The following CFAP251 variants were observed in gnomAD, a reference collection of about 807,000 sequenced individuals.
CFAP251 encodes the protein cilia- and flagella-associated protein 251.
A neutral mutation model predicts 126.7 loss-of-function variants in CFAP251; 93 were observed. That is an observed-to-expected ratio of 0.73 (90% CI 0.62 to 0.87). The LOEUF is 0.87. Ranked by LOEUF, CFAP251 falls within the 40% of genes least tolerant of loss-of-function variation. CFAP251 has a pLI of 0.00. For synonymous variants in CFAP251, 503 were observed against 506.9 expected (o/e 0.99, Z 0.10); for missense variants, 1,287 against 1,389.2 (o/e 0.93, Z 1.17).
intron 17 of CFAP251, among the ~76,000 whole-genome samples, chr12:121,973,361 G>A (rs983507968): frequency 1.3e-5 from 2 of 152,224 alleles, no homozygotes; most frequent in South Asian, 2.1e-4. Context: ...TTGCAGGGGC[G>A]GGGCCCTCAT....
chr12:121,992,200 G>A (rs1882891972), intron 19 of CFAP251: 1 of 985,488 alleles, frequency 1.0e-6, no homozygotes, highest in Non-Finnish European at 1.2e-6. Context: ...TTCAGAACAA[G>A]CTCTGCGTTC....
intron 17 of CFAP251, 74 bp downstream of exon 17, chr12:121,968,243 C>A (rs952967882): frequency 1.4e-6 from 2 of 1,444,310 alleles, no homozygotes; most frequent in South Asian, 1.3e-5. Flanking sequence ...AGACACTGAA[C>A]CCTACTGCGT....
chr12:121,934,023 A>T (rs1032602809), intron 4 of CFAP251, among the ~76,000 whole-genome samples: 1 of 152,156 alleles, frequency 6.6e-6, no homozygotes, highest in African/African-American at 2.4e-5. Context: ...GCCACTGTTC[A>T]TGTAGGGAAC....
At position 121,960,663 on chromosome 12, in the gene CFAP251, C is replaced by T. The variant is rs368307601; in HGVS notation, c.2212C>T (p.Arg738Cys). 7.4e-5 allele frequency: 120 copies of T among 1,614,010 alleles called. No individual in the cohort carries two copies. In the South Asian group the frequency reaches 1.0e-3, roughly 14 times the overall value. The stretch of plus-strand genomic sequence containing the variant: ...GGTCTGGGAGTACTTAGCAAGACTT[C>T]GCTCTCATCGCAAAAGCATTCGAAG... ...QRVWEYLARL[R>C]SHRKSIRSLL... The change falls in exon 14 of 22, where the codon CGC becomes TGC. Residue 738 changes from arginine to cysteine, a missense_variant. Coordinates refer to ENST00000288912, the MANE Select transcript of CFAP251 (RefSeq NM_144668.6).
intron 17 of CFAP251, chr12:121,969,004 C>T (rs1328262017): frequency 4.1e-6 from 4 of 985,172 alleles, no homozygotes; most frequent in African/African-American, 1.7e-5. Flanking sequence ...ATGTGGCAGC[C>T]GGTTCCTGTT....
Position 121,962,853 on chromosome 12 carries a change from G to T in CFAP251, c.2492+691G>T, listed in dbSNP as rs149597796. ...CTGTGCGGTTGGAGGAAAGACAGTG[G>T]ATCAGCAAGGGCCAATGAGTGAAGG... On this transcript the variant is annotated intron_variant, in intron 15 of 21. Coordinates refer to ENST00000288912, the MANE Select transcript of CFAP251 (RefSeq NM_144668.6). Among the ~76,000 whole-genome samples, 423 of 152,270 alleles carry T rather than the reference G, an allele frequency of 2.8e-3. 3 individuals carry two copies. Among genetic ancestry groups the T allele is most frequent in the African/African-American group, 8.8e-3 (365 of 41,566 alleles).
intron 10 of CFAP251, among the ~76,000 whole-genome samples, chr12:121,954,657 A>AAAAAC (rs1555218016): frequency 4.8e-5 from 7 of 144,894 alleles, no homozygotes; most frequent in Non-Finnish European, 7.6e-5. Context: ...AAAAAAAAAA[A>AAAAAC]AAAAAAAAAA....
chr12:121,993,091 C>T (rs1179277667), intron 19 of CFAP251, among the ~76,000 whole-genome samples: 1 of 147,042 alleles, frequency 6.8e-6, no homozygotes, highest in Non-Finnish European at 1.5e-5. Context: ...GATTCTCCTG[C>T]CTCAGCCTGC....
chr12:121,942,654 C>T lies in CFAP251; in HGVS notation c.1110+9C>T, dbSNP rs1418847971. On this transcript the variant is annotated intron_variant, in intron 6 of 21. Coordinates refer to ENST00000288912, the MANE Select transcript of CFAP251 (RefSeq NM_144668.6). The stretch of plus-strand genomic sequence containing the variant: ...CAGATGCTGAAGTCCAGGTAAAGGC[C>T]CTGGCCCTTTGGGTCAGCATCAGCG... 4 of 1,608,160 alleles carry T rather than the reference C, an allele frequency of 2.5e-6. No individual in the cohort carries two copies. In the African/African-American group the frequency reaches 4.0e-5, roughly 16 times the overall value.
intron 10 of CFAP251, among the ~76,000 whole-genome samples, chr12:121,956,866 A>G (rs926910119): frequency 6.6e-6 from 1 of 152,174 alleles, no homozygotes; most frequent in Admixed American, 6.5e-5. Flanking sequence ...AAATCTGGCA[A>G]CACAATGCCC....
intron 3 of CFAP251, among the ~76,000 whole-genome samples, chr12:121,924,380 G>C (rs1880319037): frequency 6.6e-6 from 1 of 150,414 alleles, no homozygotes; most frequent in African/African-American, 2.5e-5. Context: ...CTCCCAAAGT[G>C]CTGGGATTAC....
At chr12:121,967,592 C>T (rs1882190578) in intron 16 of CFAP251, among the ~76,000 whole-genome samples, 1 of 152,188 alleles carries the variant, frequency 6.6e-6, no homozygotes, top group Admixed American at 6.5e-5. Context: ...GTCCCAGCTA[C>T]TCAGGAGGCT....
chr12:121,981,240 G>A (rs2135804285), intron 19 of CFAP251, among the ~76,000 whole-genome samples: 1 of 152,218 alleles, frequency 6.6e-6, no homozygotes, highest in Admixed American at 6.5e-5. Flanking sequence ...GGCTGAGGCA[G>A]GAGGATCGCT....
At chr12:121,957,899 A>G (rs866908167) in intron 11 of CFAP251, among the ~76,000 whole-genome samples, 15 of 152,152 alleles carry the variant, frequency 9.9e-5, no homozygotes, top group Non-Finnish European at 1.8e-4. Context: ...ATTAATAGCC[A>G]TAACATTTCA....
At chr12:121,920,489 C>G (rs1880123529) in intron 1 of CFAP251, among the ~76,000 whole-genome samples, 1 of 151,802 alleles carries the variant, frequency 6.6e-6, no homozygotes. Context: ...CTCCGCCTCC[C>G]GGGTTCACAC....
intron 19 of CFAP251, among the ~76,000 whole-genome samples, chr12:121,995,725 A>T (rs1883008920): frequency 6.6e-6 from 1 of 152,144 alleles, no homozygotes; most frequent in Non-Finnish European, 1.5e-5. Context: ...AGCTCAAGCC[A>T]TCCTCCCACC....
chr12:121,948,926 C>G, intron 7 of CFAP251, 58 bp from the exon 8 acceptor site: 1 of 999,242 alleles, frequency 1.0e-6, no homozygotes, highest in East Asian at 2.6e-5. Context: ...TTTTAACATT[C>G]AGCTTAACCA....
In CFAP251 at chr12:121,921,489, G is replaced by GA. The variant is rs745323556; in HGVS notation, c.184_185insA (p.Gly62GlufsTer17). 7.7e-4 allele frequency: 250 copies of GA among 323,906 alleles called. No homozygotes were observed. The highest frequency in any genetic ancestry group is 1.1e-3 in the Non-Finnish European group (224 of 203,080). The allele number at this position is 323,906 out of a possible 1,614,324, so 20.1% of individuals were successfully genotyped here. A position where few individuals can be genotyped will look rare whatever the true frequency, so the allele number is the denominator to read the frequency against. The stretch of plus-strand genomic sequence containing the variant: ...GGAGAGGAAAACGGGCGAGGAGGAA[G>GA]GGGAGGAGGAGGGGAAGGAGGACAA... On this transcript the variant is annotated frameshift_variant, in exon 2 of 22. Transcript: ENST00000288912. LOFTEE classifies it high-confidence loss of function.
intron 19 of CFAP251, among the ~76,000 whole-genome samples, chr12:121,981,180 AC>A (rs1379938176): frequency 5.3e-5 from 8 of 151,762 alleles, no homozygotes; most frequent in African/African-American, 1.9e-4. Context: ...AATAAAATGA[AC>A]TCTTGGCCAG....
Sources: gnomAD v4.1 joint callset for allele counts (sites outside exome capture counted in the v4.1 genomes callset) on GRCh38, gnomAD v4.1.1 for gene constraint, MANE v1.5 for transcripts, NCBI Gene and HGNC (gene_info 2026-07-23, HGNC 2026-07-21) for gene names.